The following ANO5 variants were observed in gnomAD, a reference collection of about 807,000 sequenced individuals.
The protein encoded by ANO5 is anoctamin-5.
Under a neutral mutation model 121.0 loss-of-function variants are expected in ANO5, and 109 were observed. The ratio of observed to expected loss-of-function variants is 0.90; its 90% CI spans 0.77 to 1.06. The LOEUF (loss-of-function observed/expected upper bound fraction) is 1.06, where lower values mean the gene tolerates loss of function less well. ANO5 is among the 50% of genes least tolerant of loss of function. The pLI is 0.00. For synonymous variants in ANO5, 406 were observed against 359.9 expected, an observed-to-expected ratio of 1.13 and a Z score of -1.45; for missense variants, 1,064 against 1,078.5, an observed-to-expected ratio of 0.99 and a Z score of 0.19.
At chr11:22,218,982 C>T (rs1852552339) in intron 4 of ANO5, among the ~76,000 whole-genome samples, 1 of 152,018 alleles carries the variant, frequency 6.6e-6, no homozygotes, top group Admixed American at 6.6e-5. Flanking sequence ...TAAACAAATG[C>T]ACACACATGC....
intron 17 of ANO5, among the ~76,000 whole-genome samples, chr11:22,267,132 C>T (rs1854393607): frequency 6.6e-6 from 1 of 151,938 alleles, no homozygotes; most frequent in South Asian, 2.1e-4. Flanking sequence ...AAGTAAGGTC[C>T]TAGGCAAAAT....
chr11:22,282,654 C>G lies in ANO5; in HGVS notation c.*2889C>G, dbSNP rs1003190369. 1.3e-5 allele frequency: 2 copies of G among 152,060 alleles called. No individual in the cohort carries two copies. Among genetic ancestry groups the G allele is most frequent in the African/African-American group, 4.8e-5 (2 of 41,426 alleles). The allele number at this position is 152,060 out of a possible 1,614,324, so 9.4% of individuals were successfully genotyped here. On this transcript the variant is annotated 3_prime_UTR_variant, in exon 22 of 22. Coordinates refer to ENST00000324559, the MANE Select transcript of ANO5 (RefSeq NM_213599.3). Reference sequence around the variant, plus strand: ...GAGGTATATCTCTTAAAAAAGACACCTAATGAAAGTGAGAGAAAAGCTAAA... The same window carrying G: ...GAGGTATATCTCTTAAAAAAGACACGTAATGAAAGTGAGAGAAAAGCTAAA...
intron 17 of ANO5, among the ~76,000 whole-genome samples, chr11:22,267,634 T>TGTTAA (rs57909961): frequency 0.83 from 125,939 of 150,868 alleles, 53,181 homozygotes; most frequent in African/African-American, 0.96. Context: ...TTTTTTTAAC[T>TGTTAA]GTTCAGAGGT....
chr11:22,208,818 T>TA (rs945455889), intron 2 of ANO5, among the ~76,000 whole-genome samples: 1 of 151,886 alleles, frequency 6.6e-6, no homozygotes, highest in Non-Finnish European at 1.5e-5. Flanking sequence ...AATAAAAAGT[T>TA]AAAAAAAGTG....
chr11:22,213,111 CAG>C (rs1248713233), intron 3 of ANO5, among the ~76,000 whole-genome samples: 2 of 151,270 alleles, frequency 1.3e-5, no homozygotes, highest in Non-Finnish European at 1.5e-5. Flanking sequence ...AAAATCTAAA[CAG>C]AGTTTCTTAT....
chr11:22,230,065 A>T (rs1335630305), intron 7 of ANO5, among the ~76,000 whole-genome samples: 1 of 151,996 alleles, frequency 6.6e-6, no homozygotes, highest in African/African-American at 2.4e-5. Context: ...GTTTATATAT[A>T]CACCAATATG....
intron 20 of ANO5, among the ~76,000 whole-genome samples, 170 bp downstream of exon 20, chr11:22,274,917 T>C (rs185369174): frequency 1.4e-4 from 22 of 152,132 alleles, no homozygotes; most frequent in African/African-American, 5.3e-4. Context: ...TGATTCAGAT[T>C]TGAAAAGGTA....
chr11:22,236,262 T>C lies in ANO5; in HGVS notation c.748T>C (p.Tyr250His), dbSNP rs1265518780. The change falls in exon 8 of 22, where the codon TAT (tyrosine) becomes CAT (histidine). Residue 250 changes from tyrosine (Y) to histidine (H), a missense_variant. Coordinates refer to ENST00000324559, the MANE Select transcript of ANO5 (RefSeq NM_213599.3). ...AAACTCTAACACTTACTCATCTGCC[T>C]ATCCACTCCATGATGTATGTATAGG... is the stretch of plus-strand genomic sequence containing the variant. ...LLNSNTYSSA[Y>H]PLHDGQYWKP... 2 of 1,610,786 alleles carry C rather than the reference T, an allele frequency of 1.2e-6. No individual in the cohort carries two copies. The highest frequency in any genetic ancestry group is 1.7e-6 in the Non-Finnish European group (2 of 1,177,276).
intron 17 of ANO5, among the ~76,000 whole-genome samples, chr11:22,265,929 A>G (rs911091236): frequency 6.6e-6 from 1 of 152,176 alleles, no homozygotes; most frequent in African/African-American, 2.4e-5. Flanking sequence ...GTAGAAACAG[A>G]TATTACAGAA....
chr11:22,238,284 T>TG (rs916469305), intron 8 of ANO5, among the ~76,000 whole-genome samples: 16 of 132,728 alleles, frequency 1.2e-4, no homozygotes, highest in African/African-American at 4.8e-4. Flanking sequence ...CATAGTTTTT[T>TG]TTTTTTTTTT....
At chr11:22,224,056 A>G (rs1014170073) in intron 5 of ANO5, among the ~76,000 whole-genome samples, 3 of 151,994 alleles carry the variant, frequency 2.0e-5, no homozygotes, top group Middle Eastern at 3.4e-3. Flanking sequence ...TATGTTCTTC[A>G]TGTGGCTTCC....
chr11:22,219,917 G>A (rs1791533128), intron 4 of ANO5, among the ~76,000 whole-genome samples: 1 of 116,792 alleles, frequency 8.6e-6, no homozygotes. Flanking sequence ...TTAATTCTTA[G>A]TTCCCTTTTC....
chr11:22,233,092 T>C (rs1853097858), intron 7 of ANO5, among the ~76,000 whole-genome samples: 1 of 152,008 alleles, frequency 6.6e-6, no homozygotes, highest in Non-Finnish European at 1.5e-5. Flanking sequence ...CTGTGTTACT[T>C]ACTTGCTTTT....
Position 22,227,541 on chromosome 11 carries a change from C to T in ANO5, c.603C>T (p.Ile201=), listed in dbSNP as rs182532539. Residue 201 remains isoleucine, a synonymous_variant, in exon 7 of 22, where the codon ATC becomes ATT. Coordinates refer to ENST00000324559, the MANE Select transcript of ANO5 (RefSeq NM_213599.3). ...GACATCGGCAGGAGCTCTTCCTCAT[C>T]GAAGATCAGGCAACCTTCTTTCCAT... ...FSRHRQELFL[I]EDQATFFPSS... 5.6e-6 allele frequency: 9 copies of T among 1,613,448 alleles called. No individual in the cohort carries two copies. Among genetic ancestry groups the T allele is most frequent in the East Asian group, 4.5e-5 (2 of 44,842 alleles).
At chr11:22,210,164 A>C (rs1286543341) in intron 2 of ANO5, among the ~76,000 whole-genome samples, 1 of 151,962 alleles carries the variant, frequency 6.6e-6, no homozygotes, top group Non-Finnish European at 1.5e-5. Context: ...ACAGATTCTC[A>C]GTCTTCCCAC....
intron 9 of ANO5, among the ~76,000 whole-genome samples, chr11:22,242,460 T>C (rs1412538371): frequency 1.3e-5 from 2 of 152,158 alleles, no homozygotes; most frequent in Non-Finnish European, 2.9e-5. Context: ...AGGAATAACA[T>C]TGAATTTGTA....
intron 2 of ANO5, among the ~76,000 whole-genome samples, chr11:22,204,803 C>G (rs1227704100): frequency 6.6e-6 from 1 of 152,012 alleles, no homozygotes; most frequent in Non-Finnish European, 1.5e-5. Flanking sequence ...CCTCAAAGAC[C>G]TAAAGATAGA....
At chr11:22,239,128 G>A (rs1468753444) in intron 8 of ANO5, among the ~76,000 whole-genome samples, 1 of 152,122 alleles carries the variant, frequency 6.6e-6, no homozygotes, top group East Asian at 1.9e-4. Context: ...AGTGAGGACA[G>A]AACAGGAGTC....
At position 22,271,686 on chromosome 11, in the gene ANO5, ATAT is replaced by A. The variant is rs1854617720; in HGVS notation, c.2030-1094_2030-1092del. On this transcript the variant is annotated intron_variant, in intron 18 of 21. Coordinates refer to ENST00000324559, the MANE Select transcript of ANO5 (RefSeq NM_213599.3). The stretch of plus-strand genomic sequence containing the variant: ...ACATAATTAATTTATTCTGAAAACT[ATAT>A]TATCTCTAATTTTGAAACAATTCTG... Among the ~76,000 whole-genome samples the A allele has an allele frequency of 2.0e-5, 3 of 152,296 alleles. No individual in the cohort carries two copies. The South Asian group carries it at 6.2e-4, about 32-fold the overall frequency.
Sources: allele counts gnomAD v4.1 joint callset (sites outside exome capture counted in the v4.1 genomes callset), GRCh38; gene constraint gnomAD v4.1.1; transcripts MANE v1.5; gene names NCBI Gene and HGNC (gene_info 2026-07-23, HGNC 2026-07-21).